The following TCOF1 variants were observed in gnomAD, a reference collection of about 807,000 sequenced individuals.
TCOF1 encodes the protein treacle ribosome biogenesis factor 1.
In TCOF1, 33 loss-of-function variants were observed where a neutral mutation model predicts 149.0. That is an observed-to-expected ratio of 0.22 (90% CI 0.17 to 0.30). TCOF1 has a LOEUF of 0.30. Among genes scored for constraint, TCOF1 ranks in the 10% least tolerant of loss-of-function variants. TCOF1 has a pLI of 1.00. For missense variants in TCOF1, 1,728 were observed against 1,840.7 expected (o/e 0.94, Z 1.12); for synonymous variants, 789 against 738.8 (o/e 1.07, Z -1.10).
chr5:150,359,333 C>T (rs190170664), intron 1 of TCOF1, among the ~76,000 whole-genome samples: 82 of 148,930 alleles, frequency 5.5e-4, no homozygotes, highest in African/African-American at 1.9e-3. Context: ...GGTGACAAGG[C>T]GAGACTCCAT....
chr5:150,377,108 T>C (rs1218255674), intron 14 of TCOF1, among the ~76,000 whole-genome samples: 2 of 151,512 alleles, frequency 1.3e-5, no homozygotes, highest in Non-Finnish European at 2.9e-5. Context: ...GCAGGGAGAG[T>C]GTTCCAGGCA....
chr5:150,370,298 C>T (rs985194238), intron 6 of TCOF1, among the ~76,000 whole-genome samples: 5 of 152,094 alleles, frequency 3.3e-5, no homozygotes, highest in South Asian at 2.1e-4. Flanking sequence ...GATGAGTAGG[C>T]GTAAGCAGAA....
rs201733267 is a variant in TCOF1 at position 150,379,779 on chromosome 5, C to T, written c.2859+47C>T. ...AGCCACCAACACTCACTCCTCAGAACGGGGGTATAGGGCTGGGCGTGGTGG... is the reference window on the plus strand; with the variant it reads ...AGCCACCAACACTCACTCCTCAGAATGGGGGTATAGGGCTGGGCGTGGTGG... On this transcript the variant is annotated intron_variant, in intron 17 of 26. Transcript: ENST00000643257. 1.6e-4 allele frequency: 252 copies of T among 1,598,986 alleles called. 1 individual carries two copies. In the African/African-American group the frequency reaches 2.3e-3, roughly 15 times the overall value.
At position 150,391,862 on chromosome 5, in the gene TCOF1, T is replaced by C; in HGVS notation, c.3298-95T>C. Reference sequence around the variant, plus strand: ...AATGAGGCTGCATGTGTGCCCCATCTAACACAGTTCCTGGCCCTACTGAAG... The same window carrying C: ...AATGAGGCTGCATGTGTGCCCCATCCAACACAGTTCCTGGCCCTACTGAAG... On this transcript the variant is annotated intron_variant, in intron 20 of 26. Coordinates refer to ENST00000643257, the MANE Select transcript of TCOF1 (RefSeq NM_001371623.1). 5 of 1,306,674 alleles carry C rather than the reference T, an allele frequency of 3.8e-6. No individual in the cohort carries two copies. The South Asian group carries it at 6.2e-5, about 16-fold the overall frequency. The allele number at this position is 1,306,674 out of a possible 1,614,324, so 80.9% of individuals were successfully genotyped here. A position where few individuals can be genotyped will look rare whatever the true frequency, so the allele number is the denominator to read the frequency against.
In TCOF1 at chr5:150,374,673, G is replaced by A. The variant is rs772235723; in HGVS notation, c.1140G>A (p.Glu380=). The A allele has an allele frequency of 1.6e-5, 26 of 1,613,896 alleles. No individual in the cohort carries two copies. The highest frequency in any genetic ancestry group is 2.2e-5 in the Non-Finnish European group (26 of 1,180,014). The change falls in exon 9 of 27, where the codon GAG becomes GAA. Residue 380 remains glutamate (E), a synonymous_variant. Transcript: ENST00000643257. ...QVGAASAPAK[E]SPRKGAAPAP... The stretch of plus-strand genomic sequence containing the variant: ...GAGCTGCCTCAGCCCCTGCCAAGGA[G>A]TCCCCCAGGAAAGGAGCTGCCCCAG...
chr5:150,375,944 G>C, intron 12 of TCOF1, 35 bp downstream of exon 12: 1 of 1,614,002 alleles, frequency 6.2e-7, no homozygotes, highest in East Asian at 2.2e-5. Context: ...TACATGGCCT[G>C]ATCTGCCACA....
At chr5:150,396,964 C>G in intron 24 of TCOF1, 122 bp downstream of exon 24, 3 of 1,214,314 alleles carry the variant, frequency 2.5e-6, no homozygotes, top group Non-Finnish European at 3.5e-6. Flanking sequence ...CTGAGACCAG[C>G]CTGGCCAACA....
In TCOF1 at chr5:150,378,980, A is replaced by C. The variant is rs747928276; in HGVS notation, c.2416A>C (p.Ile806Leu). 6 of 1,613,998 alleles carry C rather than the reference A, an allele frequency of 3.7e-6. No individual in the cohort carries two copies. The East Asian group carries it at 1.3e-4, about 36-fold the overall frequency. Residue 806 changes from isoleucine (I) to leucine (L), a missense_variant, in exon 15 of 27, where the codon ATT becomes CTT. Transcript: ENST00000643257. ...CAGAGCACCTTCAGCAAAAGGGACAATTTCAGCCCCTGGAAAAGTTGTCAC... is the reference window on the plus strand; with the variant it reads ...CAGAGCACCTTCAGCAAAAGGGACACTTTCAGCCCCTGGAAAAGTTGTCAC... ...AARAPSAKGT[I>L]SAPGKVVTAA...
intron 3 of TCOF1, among the ~76,000 whole-genome samples, chr5:150,365,258 T>C (rs1214658148): frequency 1.8e-4 from 26 of 141,138 alleles, no homozygotes; most frequent in Admixed American, 7.6e-4. Flanking sequence ...TCTTTCTTTT[T>C]TTTTTTTTTT....
chr5:150,364,107 C>T lies in TCOF1; in HGVS notation c.165-6C>T, dbSNP rs1349844021. ...GTTGGTATAGACAGTCACCCTTGTC[C>T]TGCAGAACCTCAGAGCTTGGTCGGA... On this transcript the variant is annotated splice_region_variant and splice_polypyrimidine_tract_variant and intron_variant, in intron 2 of 26. Coordinates refer to ENST00000643257, the MANE Select transcript of TCOF1 (RefSeq NM_001371623.1). 5 of 1,613,956 alleles carry T rather than the reference C, an allele frequency of 3.1e-6. No homozygotes were observed. The highest frequency in any genetic ancestry group is 3.3e-5 in the Admixed American group (2 of 60,002).
intron 25 of TCOF1, 136 bp downstream of exon 25, chr5:150,398,587 G>A: frequency 7.3e-7 from 1 of 1,369,630 alleles, no homozygotes; most frequent in Non-Finnish European, 1.0e-6. Flanking sequence ...TGACACACCA[G>A]GGAAGAGGCT....
chr5:150,373,421 G>C (rs1762984460), intron 7 of TCOF1, among the ~76,000 whole-genome samples: 2 of 152,334 alleles, frequency 1.3e-5, no homozygotes, highest in South Asian at 2.1e-4. Flanking sequence ...AGCAAGACCT[G>C]TGTGGAGCAG....
At chr5:150,376,384 G>T in intron 13 of TCOF1, 39 bp from the exon 14 acceptor site, 1 of 1,614,192 alleles carries the variant, frequency 6.2e-7, no homozygotes, top group South Asian at 1.1e-5. Context: ...GTGGTCCTTT[G>T]GACTCCTGGA....
chr5:150,381,573 G>A (rs1274683343), intron 17 of TCOF1, among the ~76,000 whole-genome samples: 2 of 152,250 alleles, frequency 1.3e-5, no homozygotes, highest in Non-Finnish European at 1.5e-5. Context: ...CCTGCAGGCC[G>A]TAGGCCCTCC....
At chr5:150,391,143 G>A (rs1767350350) in intron 19 of TCOF1, among the ~76,000 whole-genome samples, 2 of 152,174 alleles carry the variant, frequency 1.3e-5, no homozygotes, top group Non-Finnish European at 2.9e-5. Context: ...AGGAGCTGGG[G>A]GAGAGGAGAT....
At chr5:150,373,212 T>TTGTGTG (rs113101162) in intron 7 of TCOF1, among the ~76,000 whole-genome samples, 2 of 148,674 alleles carry the variant, frequency 1.3e-5, no homozygotes, top group African/African-American at 4.9e-5. Flanking sequence ...CACACCCAGC[T>TTGTGTG]TGTGTGTGTG....
chr5:150,379,148 C>T, intron 15 of TCOF1, 81 bp from the exon 16 acceptor site: 2 of 1,614,002 alleles, frequency 1.2e-6, no homozygotes, highest in Non-Finnish European at 1.7e-6. Context: ...AGGCCACCCA[C>T]CCAGAGTTGT....
chr5:150,398,385 G>A lies in TCOF1; in HGVS notation c.4377G>A (p.Lys1459=), dbSNP rs1561543737. Residue 1459 remains lysine, a synonymous_variant, in exon 25 of 27, where the codon AAG becomes AAA. Transcript: ENST00000643257. The part of the protein sequence containing the change: ...RKKDKEKKEK[K]KKAKKASTKD... ...AAGACAAAGAAAAAAAAGAAAAGAA[G>A]AAGAAAGCAAAAAAGGCCTCAACCA... is the stretch of plus-strand genomic sequence containing the variant. 6 of 1,613,652 alleles carry A rather than the reference G, an allele frequency of 3.7e-6. No homozygotes were observed. Among genetic ancestry groups the A allele is most frequent in the Non-Finnish European group, 5.1e-6 (6 of 1,179,938 alleles).
chr5:150,363,262 T>G (rs79972705), intron 2 of TCOF1, among the ~76,000 whole-genome samples: 8,720 of 152,270 alleles, frequency 0.057, 342 homozygotes, highest in East Asian at 0.11. Context: ...AAATGAAACC[T>G]GTTTTTAACA....
Sources: gnomAD v4.1 joint callset for allele counts (sites outside exome capture counted in the v4.1 genomes callset) on GRCh38, gnomAD v4.1.1 for gene constraint, MANE v1.5 for transcripts, NCBI Gene and HGNC (gene_info 2026-07-23, HGNC 2026-07-21) for gene names.